FLYWCH1: variants seen among roughly 807,000 people sequenced by gnomAD.
FLYWCH1 encodes the protein FLYWCH-type zinc finger-containing protein 1.
A neutral mutation model predicts 66.4 loss-of-function variants in FLYWCH1; 75 were observed. That is an observed-to-expected ratio of 1.13 (90% CI 0.94 to 1.37). FLYWCH1 has a LOEUF of 1.37. FLYWCH1 is among the 40% of genes most tolerant of loss of function. The pLI, the probability that FLYWCH1 is intolerant of heterozygous loss-of-function variation, is 0.00. For synonymous variants in FLYWCH1, 595 were observed against 429.9 expected (o/e 1.38, Z -4.75); for missense variants, 1,334 against 1,001.8 (o/e 1.33, Z -4.48).
At position 2,937,182 on chromosome 16, in the gene FLYWCH1, C is replaced by T. The variant is rs553435495; in HGVS notation, c.1575C>T (p.Leu525=). 2.2e-6 allele frequency: 3 copies of T among 1,395,314 alleles called. No homozygotes were observed. The highest frequency in any genetic ancestry group is 3.8e-5 in the African/African-American group (2 of 52,480). 86.4% of individuals were successfully genotyped at this position (1,395,314 alleles called of 1,614,324 possible). A position where few individuals can be genotyped will look rare whatever the true frequency, so the allele number is the denominator to read the frequency against. The stretch of plus-strand genomic sequence containing the variant: ...GCTTCCTGGTGTACGAGTCCTTCCT[C>T]TACCGGCGGGAGAAGGCGGCCGGGG... ...GGSFLVYESF[L]YRREKAAGEK... is the part of the protein sequence containing the mutation. The change falls in exon 7 of 10, where the codon CTC becomes CTT. Residue 525 remains leucine (L), a synonymous_variant. Transcript: ENST00000253928.
intron 2 of FLYWCH1, among the ~76,000 whole-genome samples, chr16:2,920,078 T>C (rs1454168932): frequency 1.3e-5 from 2 of 151,834 alleles, no homozygotes; most frequent in East Asian, 3.8e-4. Context: ...TGCATTTGAG[T>C]GGCAGGATTA....
At chr16:2,931,004 CT>C in intron 4 of FLYWCH1, 124 bp downstream of exon 4, 1 of 791,002 alleles carries the variant, frequency 1.3e-6, no homozygotes, top group Non-Finnish European at 1.9e-6. Flanking sequence ...GCTAAAATGA[CT>C]TTTAAAAATA....
intron 9 of FLYWCH1, among the ~76,000 whole-genome samples, chr16:2,946,861 C>T (rs527306331): frequency 7.2e-5 from 11 of 152,164 alleles, no homozygotes; most frequent in African/African-American, 2.2e-4. Context: ...GTGTTGGTGA[C>T]GACATGGAGA....
chr16:2,936,302 T>C, intron 6 of FLYWCH1: 1 of 433,126 alleles, frequency 2.3e-6, no homozygotes. Flanking sequence ...CCCACCTTCG[T>C]CCTGACCTCT....
Position 2,930,747 on chromosome 16 carries a change from G to A in FLYWCH1, c.663G>A (p.Pro221=), listed in dbSNP as rs746646999. The part of the protein sequence containing the change: ...RVEEPLEGVG[P]WQCPEEPEPT... Reference sequence around the variant, plus strand: ...AGGAGCCCCTGGAGGGGGTGGGCCCGTGGCAGTGCCCTGAGGAGCCCGAGC... The same window carrying A: ...AGGAGCCCCTGGAGGGGGTGGGCCCATGGCAGTGCCCTGAGGAGCCCGAGC... Residue 221 remains proline, a synonymous_variant, in exon 4 of 10, where the codon CCG becomes CCA. Transcript: ENST00000253928. 224 of 1,562,644 alleles carry A rather than the reference G, an allele frequency of 1.4e-4. 1 individual carries two copies. Among genetic ancestry groups the A allele is most frequent in the South Asian group, 4.0e-4 (34 of 85,234 alleles).
chr16:2,939,935 G>C (rs1799755230), intron 8 of FLYWCH1, 97 bp from the exon 9 acceptor site: 22 of 1,454,902 alleles, frequency 1.5e-5, no homozygotes, highest in Non-Finnish European at 1.8e-5. Flanking sequence ...TCTCCTCACA[G>C]CCTTGAGGGC....
Position 2,929,925 on chromosome 16 carries a change from G to A in FLYWCH1, c.240G>A (p.Leu80=). The change falls in exon 3 of 10, where the codon TTG becomes TTA. Residue 80 remains leucine (L), a synonymous_variant. Coordinates refer to ENST00000253928, the MANE Select transcript of FLYWCH1 (RefSeq NM_001308068.2). ...GCCCCGCCACCCTCGCCAGCACCTT[G>A]CAGATCCTGCCAGTTGAGGAGCAGG... ...MAGPATLAST[L]QILPVEEQGG... 2 of 1,613,748 alleles carry A rather than the reference G, an allele frequency of 1.2e-6. No homozygotes were observed. The highest frequency in any genetic ancestry group is 1.7e-6 in the Non-Finnish European group (2 of 1,179,872).
intron 2 of FLYWCH1, among the ~76,000 whole-genome samples, chr16:2,921,287 TACAA>T (rs1402695499): frequency 2.6e-5 from 4 of 151,246 alleles, no homozygotes; most frequent in African/African-American, 7.4e-5. Flanking sequence ...TTTTTAAGTC[TACAA>T]TTCATTGCTT....
intron 2 of FLYWCH1, chr16:2,923,015 T>TG (rs551699192): frequency 5.1e-5 from 24 of 468,584 alleles, no homozygotes; most frequent in African/African-American, 6.1e-5. Context: ...GATCTTTTTT[T>TG]GGGGGGGCTG....
intron 9 of FLYWCH1, among the ~76,000 whole-genome samples, chr16:2,945,341 C>T (rs2071433016): frequency 6.6e-6 from 1 of 151,816 alleles, no homozygotes; most frequent in South Asian, 2.1e-4. Flanking sequence ...CAAAAATCAG[C>T]TGGGCGTGGT....
intron 8 of FLYWCH1, among the ~76,000 whole-genome samples, chr16:2,939,318 G>GCCTGTAATCCCAGCTAC (rs1291351599): frequency 1.3e-5 from 2 of 152,022 alleles, no homozygotes; most frequent in African/African-American, 2.4e-5. Context: ...GGTGACGCAT[G>GCCTGTAATCCCAGCTAC]CCTGTAATCC....
rs1596393163 is a variant in FLYWCH1, at chr16:2,939,827, G to T, written c.2051-205G>T. On this transcript the variant is annotated intron_variant, in intron 8 of 9. Coordinates refer to ENST00000253928, the MANE Select transcript of FLYWCH1 (RefSeq NM_001308068.2). ...TTGACCCCCACTATTTTCCATGACA[G>T]CAGCTGAAGGTCAACTCTTAGGAGC... The T allele has an allele frequency of 1.5e-5, 7 of 473,246 alleles. No individual in the cohort carries two copies. In the East Asian group the frequency reaches 2.6e-4, roughly 17 times the overall value. The allele number at this position is 473,246 out of a possible 1,614,324, so 29.3% of individuals were successfully genotyped here.
Position 2,930,735 on chromosome 16 carries a change from G to A in FLYWCH1, c.651G>A (p.Glu217=), listed in dbSNP as rs903189699. 3.9e-6 allele frequency: 6 copies of A among 1,554,258 alleles called. No homozygotes were observed. In the African/African-American group the frequency reaches 4.1e-5, roughly 11 times the overall value. ...GPGGRVEEPL[E]GVGPWQCPEE... ...GAGGCCGAGTGGAGGAGCCCCTGGAGGGGGTGGGCCCGTGGCAGTGCCCTG... is the reference window on the plus strand; with the variant it reads ...GAGGCCGAGTGGAGGAGCCCCTGGAAGGGGTGGGCCCGTGGCAGTGCCCTG... The change falls in exon 4 of 10, where the codon GAG becomes GAA. Residue 217 remains glutamate, a synonymous_variant. Transcript: ENST00000253928.
At chr16:2,942,904 G>A (rs940588457) in intron 9 of FLYWCH1, among the ~76,000 whole-genome samples, 1 of 151,712 alleles carries the variant, frequency 6.6e-6, no homozygotes, top group East Asian at 1.9e-4. Context: ...GTTTCGCTAT[G>A]TTGGCTAGGC....
intron 2 of FLYWCH1, among the ~76,000 whole-genome samples, chr16:2,916,838 T>C (rs2150885686): frequency 6.6e-6 from 1 of 151,512 alleles, no homozygotes; most frequent in South Asian, 2.1e-4. Context: ...GTTAAATTGC[T>C]AATACTTTCA....
chr16:2,945,049 G>C (rs1181082539), intron 9 of FLYWCH1, among the ~76,000 whole-genome samples: 1 of 151,138 alleles, frequency 6.6e-6, no homozygotes, highest in Admixed American at 6.6e-5. Context: ...TAGTTTTTAA[G>C]CAAAAAATTC....
rs565335850 is a variant in FLYWCH1 at position 2,933,820 on chromosome 16, T to G, written c.1354T>G (p.Cys452Gly). The G allele has an allele frequency of 2.3e-5, 37 of 1,608,910 alleles. No homozygotes were observed. The highest frequency in any genetic ancestry group is 1.7e-4 in the Middle Eastern group (1 of 5,766). The change falls in exon 6 of 10, where the codon TGC becomes GGC. Residue 452 changes from cysteine (C) to glycine (G), a missense_variant. By Grantham distance (159) the Cys-to-Gly change is radical (BLOSUM62 -3). Coordinates refer to ENST00000253928, the MANE Select transcript of FLYWCH1 (RefSeq NM_001308068.2). ...GGCTGGGGAGAAGGTGTATTGGACC[T>G]GCCGGGACCAGGCCCGCATGGGCTG... ...KAAGEKVYWT[C>G]RDQARMGCRS...
At chr16:2,942,624 A>G (rs2071314683) in intron 9 of FLYWCH1, among the ~76,000 whole-genome samples, 1 of 152,226 alleles carries the variant, frequency 6.6e-6, no homozygotes, top group Non-Finnish European at 1.5e-5. Flanking sequence ...GGAATGCATC[A>G]ACATGCAAAA....
At chr16:2,938,829 G>C (rs2071138643) in intron 8 of FLYWCH1, among the ~76,000 whole-genome samples, 1 of 151,412 alleles carries the variant, frequency 6.6e-6, no homozygotes, top group South Asian at 2.1e-4. Flanking sequence ...AGCCAGGATG[G>C]TCTTGATCTT....
Sources: allele counts gnomAD v4.1 joint callset (sites outside exome capture counted in the v4.1 genomes callset), GRCh38; gene constraint gnomAD v4.1.1; transcripts MANE v1.5; gene names NCBI Gene and HGNC (gene_info 2026-07-23, HGNC 2026-07-21).